The following FIG4 variants were observed in gnomAD, a reference collection of about 807,000 sequenced individuals.
FIG4 encodes FIG4 phosphoinositide 5-phosphatase.
FIG4 carries 112 observed loss-of-function variants against 118.6 expected under a neutral mutation model. The observed-to-expected ratio is 0.94, with a 90% CI of 0.81 to 1.11. The LOEUF (loss-of-function observed/expected upper bound fraction) is 1.11, where lower values mean the gene tolerates loss of function less well. FIG4 is among the 50% of genes least tolerant of loss of function. The probability of loss-of-function intolerance (pLI) is 0.00; values close to 1 mark genes in which losing one functional copy is unlikely to be tolerated. For missense variants in FIG4, 969 were observed against 1,111.7 expected, an observed-to-expected ratio of 0.87 and a Z score of 1.83; for synonymous variants, 369 against 381.2, an observed-to-expected ratio of 0.97 and a Z score of 0.37.
intron 22 of FIG4, among the ~76,000 whole-genome samples, chr6:109,811,077 T>G (rs1778708439): frequency 6.6e-6 from 1 of 152,202 alleles, no homozygotes; most frequent in Non-Finnish European, 1.5e-5. Flanking sequence ...CAGTGTTGGT[T>G]AATTTTTCAT....
chr6:109,743,185 T>TA lies in FIG4; in HGVS notation c.953dup (p.Tyr318Ter). The change falls in exon 9 of 23, where the codon TAT becomes TAAT. Residue 318 changes from tyrosine to a stop codon, truncating the protein, a stop_gained and frameshift_variant. Transcript: ENST00000230124. LOFTEE classifies it high-confidence loss of function. Reference sequence around the variant, plus strand: ...TGTGATGTCTTTCACTGCAGGAAGTTATTCTTCATATGTACAAGTTAGAGG... The same window carrying TA: ...TGTGATGTCTTTCACTGCAGGAAGTTAATTCTTCATATGTACAAGTTAGAGG... ...ASVMSFTAGSYSSYVQVRGSV... is the reference protein window; with the variant it reads ...ASVMSFTAGS The TA allele has an allele frequency of 6.2e-7, 1 of 1,613,022 alleles. No homozygotes were observed. The highest frequency in any genetic ancestry group is 8.5e-7 in the Non-Finnish European group (1 of 1,179,234).
chr6:109,758,998 T>A (rs1043136376), intron 10 of FIG4, among the ~76,000 whole-genome samples: 4 of 152,294 alleles, frequency 2.6e-5, no homozygotes, highest in African/African-American at 9.6e-5. Context: ...TTTACACTGT[T>A]GGGAGTGTAA....
intron 3 of FIG4, among the ~76,000 whole-genome samples, chr6:109,717,177 G>A (rs1427594997): frequency 6.6e-6 from 1 of 152,094 alleles, no homozygotes; most frequent in Non-Finnish European, 1.5e-5. Flanking sequence ...CAACTCAGGT[G>A]CAGAGCTTCA....
At chr6:109,740,921 G>A (rs1776303813) in intron 7 of FIG4, among the ~76,000 whole-genome samples, 1 of 152,076 alleles carries the variant, frequency 6.6e-6, no homozygotes, top group African/African-American at 2.4e-5. Flanking sequence ...TCTTCACAAT[G>A]GCAGAGCAGA....
In FIG4 at chr6:109,692,474, C is replaced by T. The variant is rs192482803; in HGVS notation, c.66+973C>T. On this transcript the variant is annotated intron_variant, in intron 1 of 22. Coordinates refer to ENST00000230124, the MANE Select transcript of FIG4 (RefSeq NM_014845.6). ...CGTAGTCCTAATAGCACAATAACCTCTCCCTCAGGTTAACATGAGTAGAGA... is the reference window on the plus strand; with the variant it reads ...CGTAGTCCTAATAGCACAATAACCTTTCCCTCAGGTTAACATGAGTAGAGA... Among the ~76,000 whole-genome samples the T allele has an allele frequency of 4.9e-3, 746 of 152,320 alleles. 2 individuals carry two copies. Among genetic ancestry groups the T allele is most frequent in the Admixed American group, 9.0e-3 (138 of 15,298 alleles).
At chr6:109,818,460 A>G (rs770574183) in intron 22 of FIG4, among the ~76,000 whole-genome samples, 1 of 152,164 alleles carries the variant, frequency 6.6e-6, no homozygotes, top group African/African-American at 2.4e-5. Flanking sequence ...TCGGTCTCCC[A>G]AAGTGCTGAG....
At chr6:109,699,593 C>T (rs1774845301) in intron 1 of FIG4, among the ~76,000 whole-genome samples, 1 of 150,872 alleles carries the variant, frequency 6.6e-6, no homozygotes, top group Non-Finnish European at 1.5e-5. Flanking sequence ...GCCTCTGCCT[C>T]CTGGGTTCAA....
chr6:109,760,172 C>T, intron 10 of FIG4, 78 bp from the exon 11 acceptor site: 1 of 1,297,502 alleles, frequency 7.7e-7, no homozygotes, highest in Non-Finnish European at 1.1e-6. Context: ...CTTAGCTTAG[C>T]TTAAAAGTAA....
intron 17 of FIG4, among the ~76,000 whole-genome samples, chr6:109,785,518 A>G (rs1382892750): frequency 6.6e-6 from 1 of 152,228 alleles, no homozygotes; most frequent in Non-Finnish European, 1.5e-5. Context: ...AGGGGCAGGA[A>G]ACATTCTATA....
intron 15 of FIG4, among the ~76,000 whole-genome samples, chr6:109,771,182 T>C (rs1361277493): frequency 6.6e-6 from 1 of 152,250 alleles, no homozygotes; most frequent in Non-Finnish European, 1.5e-5. Context: ...TTGGTAACTT[T>C]TGTTAAAGCC....
chr6:109,696,375 T>A (rs1432364819), intron 1 of FIG4, among the ~76,000 whole-genome samples: 1 of 152,218 alleles, frequency 6.6e-6, no homozygotes, highest in Non-Finnish European at 1.5e-5. Flanking sequence ...TCCATGAACT[T>A]TATCAAGTCC....
At chr6:109,813,484 CT>C (rs2128400790) in intron 22 of FIG4, among the ~76,000 whole-genome samples, 1 of 152,280 alleles carries the variant, frequency 6.6e-6, no homozygotes, top group Admixed American at 6.5e-5. Context: ...CTTTTTCATT[CT>C]GGTACACTTC....
intron 10 of FIG4, among the ~76,000 whole-genome samples, chr6:109,758,095 A>G (rs1382525961): frequency 2.0e-5 from 3 of 152,218 alleles, no homozygotes; most frequent in African/African-American, 7.2e-5. Flanking sequence ...TTCTTCACAG[A>G]ATTAGAAAAA....
At chr6:109,762,980 G>C (rs1189016555) in intron 12 of FIG4, among the ~76,000 whole-genome samples, 1 of 152,190 alleles carries the variant, frequency 6.6e-6, no homozygotes, top group Non-Finnish European at 1.5e-5. Flanking sequence ...CCAGGCACAA[G>C]CTTCCAGAGT....
At chr6:109,745,820 G>T (rs1187903048) in intron 10 of FIG4, among the ~76,000 whole-genome samples, 3 of 151,986 alleles carry the variant, frequency 2.0e-5, no homozygotes, top group Non-Finnish European at 2.9e-5. Flanking sequence ...TTTTGTATAA[G>T]GTGTAAGGAA....
intron 22 of FIG4, among the ~76,000 whole-genome samples, chr6:109,805,402 T>G (rs942822079): frequency 2.6e-5 from 4 of 152,232 alleles, no homozygotes; most frequent in Non-Finnish European, 4.4e-5. Context: ...GCTTTGTTTT[T>G]ATATTTAACT....
intron 1 of FIG4, among the ~76,000 whole-genome samples, chr6:109,692,497 A>G (rs1774511699): frequency 6.6e-6 from 1 of 152,200 alleles, no homozygotes. Flanking sequence ...ACATGAGTAG[A>G]GAATTGTGGA....
chr6:109,713,541 C>T (rs1300848606), intron 1 of FIG4, among the ~76,000 whole-genome samples: 1 of 152,118 alleles, frequency 6.6e-6, no homozygotes, highest in Non-Finnish European at 1.5e-5. Context: ...GCTCTGTGCC[C>T]ACCAAGGCTC....
In FIG4 at chr6:109,716,546, G is replaced by A. The variant is rs1401329392; in HGVS notation, c.267G>A (p.Ala89=). ...GQKGSSGLFR[A]VSAFGVVGFV... is the part of the protein sequence containing the mutation. ...AAGGATCCTCGGGCTTATTTCGAGC[G>A]GTTTCAGCTTTTGGTGTTGTGGGTA... Residue 89 remains alanine, a synonymous_variant, in exon 3 of 23, where the codon GCG becomes GCA. Transcript: ENST00000230124. The A allele has an allele frequency of 1.7e-5, 27 of 1,613,658 alleles. No individual in the cohort carries two copies. Among genetic ancestry groups the A allele is most frequent in the East Asian group, 1.6e-4 (7 of 44,862 alleles).
Sources: allele counts gnomAD v4.1 joint callset (sites outside exome capture counted in the v4.1 genomes callset), GRCh38; gene constraint gnomAD v4.1.1; transcripts MANE v1.5; gene names NCBI Gene and HGNC (gene_info 2026-07-23, HGNC 2026-07-21).